IKBKB-DT: variants seen among roughly 807,000 people sequenced by gnomAD.
The protein encoded by IKBKB-DT is IKBKB antisense RNA.
rs529720864 is a variant in IKBKB-DT at position 42,241,331 on chromosome 8, G to A, written n.1530-7472C>T. 3.5e-5 allele frequency among the ~76,000 whole-genome samples: 5 copies of A among 143,796 alleles called. No homozygotes were observed. The East Asian group carries it at 1.0e-3, about 30-fold the overall frequency. The allele number at this position is 143,796 out of a possible 152,430, so 94.3% of individuals were successfully genotyped here. ...CAGAGAATGTAATACCATTTTCTGG[G>A]GAAAAACTGGTTGGCTACTTGATGT... On this transcript the variant is annotated intron_variant and non_coding_transcript_variant, in intron 3 of 3. Coordinates refer to ENST00000518213, the Ensembl canonical transcript of IKBKB-DT.
intron 3 of IKBKB-DT, chr8:42,255,475 T>C (rs894109049): frequency 2.0e-5 from 3 of 152,136 alleles, no homozygotes; most frequent in Admixed American, 6.6e-5. Flanking sequence ...ATGTCCCCAA[T>C]ATACCTGAGG....
exon 2 of IKBKB-DT, chr8:42,265,769 A>T (rs1807361080): frequency 6.6e-6 from 1 of 152,182 alleles, no homozygotes; most frequent in Non-Finnish European, 1.5e-5. Context: ...TTAAAAAGTG[A>T]TTTCCTCCTC....
At chr8:42,248,712 C>G (rs964096371) in intron 3 of IKBKB-DT, among the ~76,000 whole-genome samples, 2 of 151,864 alleles carry the variant, frequency 1.3e-5, no homozygotes, top group Non-Finnish European at 2.9e-5. Context: ...AACCCTGTCT[C>G]TACTGAAAAT....
At chr8:42,234,371 G>A (rs1806891663) in intron 3 of IKBKB-DT, among the ~76,000 whole-genome samples, 1 of 152,156 alleles carries the variant, frequency 6.6e-6, no homozygotes, top group African/African-American at 2.4e-5. Flanking sequence ...AACTGTGGAT[G>A]ACAAAATTCT....
chr8:42,247,550 G>A (rs927293853), intron 3 of IKBKB-DT, among the ~76,000 whole-genome samples: 6 of 152,152 alleles, frequency 3.9e-5, no homozygotes, highest in African/African-American at 9.7e-5. Context: ...GTTTTGAAAC[G>A]TGAAAGGGCC....
At chr8:42,247,280 T>C (rs1585462258) in intron 3 of IKBKB-DT, among the ~76,000 whole-genome samples, 1 of 152,214 alleles carries the variant, frequency 6.6e-6, no homozygotes, top group Non-Finnish European at 1.5e-5. Flanking sequence ...ATTTTGGAGC[T>C]TTAAGATTTA....
chr8:42,238,024 CAAAAAAAAAAAAA>C (rs35087510), intron 3 of IKBKB-DT, among the ~76,000 whole-genome samples: 5,948 of 35,284 alleles, frequency 0.17, 550 homozygotes, highest in African/African-American at 0.29. Flanking sequence ...GGCCCTCTCT[CAAAAAAAAAAAAA>C]AAAAAAAAAA....
At chr8:42,251,044 AGACCAGCCTGGCCAAC>A (rs1398520660) in intron 3 of IKBKB-DT, among the ~76,000 whole-genome samples, 5 of 116,910 alleles carry the variant, frequency 4.3e-5, no homozygotes, top group African/African-American at 2.4e-4. Context: ...CAGGAGCTCG[AGACCAGCCTGGCCAAC>A]GAGACCAGCC....
intron 1 of IKBKB-DT, among the ~76,000 whole-genome samples, chr8:42,269,269 G>A (rs1379061135): frequency 6.7e-6 from 1 of 149,944 alleles, no homozygotes; most frequent in African/African-American, 2.5e-5. Context: ...GCAGTGAGCC[G>A]TGATCCTGCC....
intron 1 of IKBKB-DT, chr8:42,270,559 G>A (rs1482654149): frequency 6.6e-6 from 1 of 152,186 alleles, no homozygotes; most frequent in East Asian, 1.9e-4. Flanking sequence ...CACTGTGTAA[G>A]CACTCTATAG....
At chr8:42,267,043 C>T (rs893480004) in intron 1 of IKBKB-DT, among the ~76,000 whole-genome samples, 2 of 149,432 alleles carry the variant, frequency 1.3e-5, no homozygotes, top group South Asian at 2.1e-4. Flanking sequence ...CTCTGTCGCC[C>T]AGGTTGGAGT....
chr8:42,266,203 G>C (rs999494474), exon 2 of IKBKB-DT: 1 of 152,534 alleles, frequency 6.6e-6, no homozygotes, highest in African/African-American at 2.4e-5. Context: ...GATGGGTCAT[G>C]AAAGAGTTGC....
chr8:42,259,533 A>T (rs1807253185), intron 3 of IKBKB-DT, among the ~76,000 whole-genome samples: 1 of 152,230 alleles, frequency 6.6e-6, no homozygotes, highest in Admixed American at 6.5e-5. Flanking sequence ...ACTATAGGTT[A>T]CCAAAGAGAT....
At chr8:42,258,175 T>C (rs534457858) in intron 3 of IKBKB-DT, among the ~76,000 whole-genome samples, 2 of 152,314 alleles carry the variant, frequency 1.3e-5, no homozygotes, top group African/African-American at 4.8e-5. Flanking sequence ...AGAAAGAAGA[T>C]GAAACTCTAG....
chr8:42,239,018 G>C (rs1264020256), intron 3 of IKBKB-DT, among the ~76,000 whole-genome samples: 1 of 152,100 alleles, frequency 6.6e-6, no homozygotes, highest in African/African-American at 2.4e-5. Flanking sequence ...TTTCTGTGCA[G>C]CACACAAGAA....
intron 3 of IKBKB-DT, among the ~76,000 whole-genome samples, chr8:42,258,531 C>T (rs1471973469): frequency 2.0e-5 from 3 of 151,370 alleles, no homozygotes; most frequent in Non-Finnish European, 2.9e-5. Flanking sequence ...TGCAGTGGCG[C>T]GATCTCTGCT....
intron 1 of IKBKB-DT, among the ~76,000 whole-genome samples, chr8:42,268,131 T>TTTTG (rs1397918507): frequency 7.9e-6 from 1 of 126,220 alleles, no homozygotes; most frequent in Admixed American, 9.2e-5. Context: ...GCTCAATAAT[T>TTTTG]TTTTTTTTTT....
intron 3 of IKBKB-DT, among the ~76,000 whole-genome samples, chr8:42,247,348 C>T (rs1384129113): frequency 1.3e-5 from 2 of 152,164 alleles, no homozygotes; most frequent in African/African-American, 4.8e-5. Context: ...TGGTTTTGGC[C>T]AATTTCTCCT....
intron 1 of IKBKB-DT, among the ~76,000 whole-genome samples, chr8:42,268,204 G>A (rs1053027840): frequency 2.7e-5 from 4 of 148,978 alleles, no homozygotes; most frequent in South Asian, 2.1e-4. Flanking sequence ...GCACGATCTC[G>A]GCTCACTGCA....
Sources: gnomAD v4.1 joint callset for allele counts (sites outside exome capture counted in the v4.1 genomes callset) on GRCh38, gnomAD v4.1.1 for gene constraint, MANE v1.5 for transcripts, NCBI Gene and HGNC (gene_info 2026-07-23, HGNC 2026-07-21) for gene names.